GRIK3: variants seen among roughly 807,000 people sequenced by gnomAD.
GRIK3 encodes glutamate ionotropic receptor kainate type subunit 3, also known as glutamate receptor ionotropic, kainate 3.
In GRIK3, 29 loss-of-function variants were observed where a neutral mutation model predicts 102.5. The observed-to-expected ratio is 0.28, with a 90% CI of 0.21 to 0.39. The LOEUF is 0.39. Among genes scored for constraint, GRIK3 ranks in the 10% least tolerant of loss-of-function variants. The pLI, the probability that GRIK3 is intolerant of heterozygous loss-of-function variation, is 1.00. For missense variants in GRIK3, 908 were observed against 1,252.4 expected (o/e 0.73, Z 4.15); for synonymous variants, 511 against 504.9 (o/e 1.01, Z -0.16).
chr1:36,957,495 GTGTGCCCCA>G (rs1641931336), intron 1 of GRIK3, among the ~76,000 whole-genome samples: 26 of 124,992 alleles, frequency 2.1e-4, no homozygotes, highest in South Asian at 2.6e-4. Flanking sequence ...CCGTGAGCCT[GTGTGCCCCA>G]TGACTCTGTG....
chr1:36,969,148 G>T (rs369576677), intron 1 of GRIK3, among the ~76,000 whole-genome samples: 5 of 152,256 alleles, frequency 3.3e-5, no homozygotes, highest in South Asian at 2.1e-4. Flanking sequence ...AAACCTGAAG[G>T]TTACCATGCC....
At chr1:36,968,517 G>A (rs1474854459) in intron 1 of GRIK3, among the ~76,000 whole-genome samples, 1 of 152,170 alleles carries the variant, frequency 6.6e-6, no homozygotes, top group African/African-American at 2.4e-5. Context: ...TTCCAAACAA[G>A]CTTTGGGCAG....
At position 36,963,092 on chromosome 1, in the gene GRIK3, AC is replaced by A. The variant is rs763692428; in HGVS notation, c.115+70901del. 5.9e-5 allele frequency among the ~76,000 whole-genome samples: 9 copies of A among 152,104 alleles called. No individual in the cohort carries two copies. The East Asian group carries it at 1.7e-3, about 29-fold the overall frequency. On this transcript the variant is annotated intron_variant, in intron 1 of 15. Transcript: ENST00000373091. ...GAGAAGGAAGGACAGACATTAGCCA[AC>A]CCCGAGGTCAGGGACCGAGGCAGGG...
At chr1:36,952,615 C>T (rs1641858126) in intron 1 of GRIK3, among the ~76,000 whole-genome samples, 1 of 152,214 alleles carries the variant, frequency 6.6e-6, no homozygotes, top group African/African-American at 2.4e-5. Flanking sequence ...TGTGTGCCAG[C>T]AGGCTCTGAT....
intron 11 of GRIK3, among the ~76,000 whole-genome samples, chr1:36,825,163 G>A (rs536157392): frequency 7.9e-5 from 12 of 152,288 alleles, no homozygotes; most frequent in African/African-American, 2.9e-4. Flanking sequence ...ATGGCTGTGA[G>A]TTTACTGGGC....
chr1:36,869,491 C>T (rs145830039), intron 5 of GRIK3, among the ~76,000 whole-genome samples: 26 of 152,272 alleles, frequency 1.7e-4, no homozygotes, highest in Non-Finnish European at 2.2e-4. Context: ...GTGCCTTAGC[C>T]AAGGAACCAC....
Position 36,831,099 on chromosome 1 carries a change from G to A in GRIK3, c.1531-5273C>T, listed in dbSNP as rs538939276. 8.3e-4 allele frequency among the ~76,000 whole-genome samples: 126 copies of A among 152,286 alleles called. 1 individual carries two copies. Among genetic ancestry groups the A allele is most frequent in the Admixed American group, 3.5e-3 (53 of 15,302 alleles). On this transcript the variant is annotated intron_variant, in intron 10 of 15. Transcript: ENST00000373091. The stretch of plus-strand genomic sequence containing the variant: ...AGGGAACTAACATTCCTGCCACTTA[G>A]ACCCTGTGCAGGATGCATGGGGCTC...
rs1272019617 is a variant in GRIK3 at position 36,829,408 on chromosome 1, TG to T, written c.1531-3583del. On this transcript the variant is annotated intron_variant, in intron 10 of 15. Transcript: ENST00000373091. The stretch of plus-strand genomic sequence containing the variant: ...CAACCCCATGGTTTTTATTGTTTTT[TG>T]TTTTTTTTTTTTAACAGAAGGAAAC... Among the ~76,000 whole-genome samples, 12 of 151,568 alleles carry T rather than the reference TG, an allele frequency of 7.9e-5. No individual in the cohort carries two copies. In the East Asian group the frequency reaches 1.4e-3, roughly 17 times the overall value.
chr1:36,957,347 A>G (rs541157096), intron 1 of GRIK3, among the ~76,000 whole-genome samples: 2 of 138,848 alleles, frequency 1.4e-5, no homozygotes, highest in African/African-American at 5.4e-5. Context: ...GTACCCAGTG[A>G]GCCTATGCCC....
chr1:36,829,902 T>C (rs1642797046), intron 10 of GRIK3, among the ~76,000 whole-genome samples: 1 of 152,228 alleles, frequency 6.6e-6, no homozygotes, highest in Non-Finnish European at 1.5e-5. Context: ...GGAATGGGGT[T>C]GGGACTGTGG....
At chr1:36,827,782 C>T (rs900103813) in intron 10 of GRIK3, among the ~76,000 whole-genome samples, 20 of 152,196 alleles carry the variant, frequency 1.3e-4, no homozygotes, top group African/African-American at 3.6e-4. Context: ...CAGGTGCTCC[C>T]GGCTGGGAGC....
At chr1:36,893,426 G>T (rs970343632) in intron 1 of GRIK3, among the ~76,000 whole-genome samples, 24 of 152,310 alleles carry the variant, frequency 1.6e-4, no homozygotes, top group African/African-American at 5.8e-4. Flanking sequence ...GGCTATTAAT[G>T]TATGAAGAAG....
chr1:36,854,605 C>T (rs920978680), intron 7 of GRIK3, among the ~76,000 whole-genome samples: 3 of 152,124 alleles, frequency 2.0e-5, no homozygotes, highest in Non-Finnish European at 2.9e-5. Context: ...CACAGCCATG[C>T]CCCCCGTGTT....
At chr1:36,889,317 C>G (rs984059829) in intron 2 of GRIK3, among the ~76,000 whole-genome samples, 6 of 151,382 alleles carry the variant, frequency 4.0e-5, no homozygotes, top group Non-Finnish European at 7.4e-5. Context: ...GAGAGGGCAG[C>G]ATGTGCGGAA....
chr1:36,944,511 G>A (rs971291216), intron 1 of GRIK3, among the ~76,000 whole-genome samples: 7 of 152,210 alleles, frequency 4.6e-5, no homozygotes, highest in Non-Finnish European at 1.0e-4. Context: ...GGGAGGAAGA[G>A]AGGGAAGAGA....
Position 36,872,378 on chromosome 1 carries a change from C to A in GRIK3, c.551-9G>T. The A allele has an allele frequency of 6.4e-7, 1 of 1,571,856 alleles. No homozygotes were observed. Among genetic ancestry groups the A allele is most frequent in the Non-Finnish European group, 8.7e-7 (1 of 1,155,106 alleles). On this transcript the variant is annotated splice_polypyrimidine_tract_variant and intron_variant, in intron 3 of 15. Coordinates refer to ENST00000373091, the MANE Select transcript of GRIK3 (RefSeq NM_000831.4). This position sits in a 1 kb window ranked among gnomAD's most constrained non-coding sequence, Gnocchi z 5.9. ...CTGCAGTCGGATGAGCCCTGAGGGG[C>A]CATGGAGCACAAAAGACACACGTGT...
At position 36,798,335 on chromosome 1, in the gene GRIK3, G is replaced by A. The variant is rs1007832292; in HGVS notation, c.*3516C>T. ...TGCAGTGGGGACATTCTTCTGTTCA[G>A]GGCTGGCATGTGGCACCACGCAGGG... is the stretch of plus-strand genomic sequence containing the variant. On this transcript the variant is annotated 3_prime_UTR_variant, in exon 16 of 16. Coordinates refer to ENST00000373091, the MANE Select transcript of GRIK3 (RefSeq NM_000831.4). 6.6e-6 allele frequency: 1 copy of A among 152,286 alleles called. No individual in the cohort carries two copies. Among genetic ancestry groups the A allele is most frequent in the East Asian group, 1.9e-4 (1 of 5,180 alleles). The allele number at this position is 152,286 out of a possible 1,614,324, so 9.4% of individuals were successfully genotyped here.
chr1:36,823,060 T>A (rs535471328), intron 11 of GRIK3, among the ~76,000 whole-genome samples: 1 of 152,188 alleles, frequency 6.6e-6, no homozygotes, highest in African/African-American at 2.4e-5. Context: ...CAGGCCCCAT[T>A]TCTTGGAACT....
chr1:36,979,380 C>G (rs766936746), intron 1 of GRIK3, among the ~76,000 whole-genome samples: 1 of 152,242 alleles, frequency 6.6e-6, no homozygotes, highest in Non-Finnish European at 1.5e-5. Flanking sequence ...TGGTTTTGGT[C>G]TCTTGACACA....
Sources: allele counts gnomAD v4.1 joint callset (sites outside exome capture counted in the v4.1 genomes callset), GRCh38; gene constraint gnomAD v4.1.1; non-coding constraint Gnocchi (gnomAD v3.1); transcripts MANE v1.5; gene names NCBI Gene and HGNC (gene_info 2026-07-23, HGNC 2026-07-21).